The following TENM3 variants were observed in gnomAD, a reference collection of about 807,000 sequenced individuals.
TENM3 encodes teneurin transmembrane protein 3.
TENM3 carries 63 observed loss-of-function variants against 255.1 expected under a neutral mutation model. The ratio of observed to expected loss-of-function variants is 0.25; its 90% CI spans 0.20 to 0.30. The LOEUF is 0.30. TENM3 is among the 10% of genes least tolerant of loss of function. The probability of loss-of-function intolerance (pLI) is 1.00; values close to 1 mark genes in which losing one functional copy is unlikely to be tolerated. For missense variants in TENM3, 2,929 were observed against 3,461.1 expected, an observed-to-expected ratio of 0.85 and a Z score of 3.86; for synonymous variants, 1,306 against 1,322.3, an observed-to-expected ratio of 0.99 and a Z score of 0.27.
the TENM3 span, among the ~76,000 whole-genome samples, chr4:182,037,864 C>T: frequency 3.9e-5 from 6 of 152,016 alleles, no homozygotes; most frequent in Admixed American, 3.9e-4. Flanking sequence ...CAGGGTCCCT[C>T]TTTGTCACCC....
the TENM3 span, among the ~76,000 whole-genome samples, chr4:181,988,888 C>T: frequency 6.6e-6 from 1 of 151,910 alleles, no homozygotes; most frequent in Admixed American, 6.6e-5. Flanking sequence ...CAAAACATAT[C>T]AGTATCCTGG....
At chr4:182,503,501 T>C (rs1040862709) in intron 3 of TENM3, among the ~76,000 whole-genome samples, 18 of 152,294 alleles carry the variant, frequency 1.2e-4, no homozygotes, top group South Asian at 4.1e-4. Flanking sequence ...TATATACTCA[T>C]TTTTTTCTGC....
chr4:182,475,788 C>G (rs1239245077), intron 3 of TENM3, among the ~76,000 whole-genome samples: 1 of 152,110 alleles, frequency 6.6e-6, no homozygotes, highest in Non-Finnish European at 1.5e-5. Context: ...TAATGTCTGT[C>G]TGTATTGAAC....
the TENM3 span, among the ~76,000 whole-genome samples, chr4:181,673,976 A>ATTTGT: frequency 6.6e-6 from 1 of 151,728 alleles, no homozygotes; most frequent in Non-Finnish European, 1.5e-5. Context: ...AGTATGGCGA[A>ATTTGT]TTTCTTTTCT....
chr4:181,512,958 G>GT, the TENM3 span, among the ~76,000 whole-genome samples: 4 of 152,070 alleles, frequency 2.6e-5, no homozygotes, highest in African/African-American at 7.2e-5. Context: ...GACTATAATT[G>GT]TTTTTTTAGA....
At chr4:182,776,210 C>T (rs763146322) in intron 24 of TENM3, among the ~76,000 whole-genome samples, 1 of 152,118 alleles carries the variant, frequency 6.6e-6, no homozygotes, top group Admixed American at 6.5e-5. Context: ...GTCAGGAGTT[C>T]GAGACCAGCC....
chr4:182,669,862 GC>G (rs1397470630), intron 6 of TENM3, among the ~76,000 whole-genome samples: 1 of 152,064 alleles, frequency 6.6e-6, no homozygotes, highest in East Asian at 1.9e-4. Flanking sequence ...ACTTCTCTGA[GC>G]CTTAGTTTCC....
intron 7 of TENM3, among the ~76,000 whole-genome samples, chr4:182,679,345 G>T (rs565460570): frequency 6.6e-6 from 1 of 152,260 alleles, no homozygotes; most frequent in African/African-American, 2.4e-5. Flanking sequence ...AGTTCATGTA[G>T]ATTTTATGTT....
the TENM3 span, among the ~76,000 whole-genome samples, chr4:181,800,406 C>T: frequency 2.0e-5 from 3 of 152,124 alleles, no homozygotes; most frequent in Admixed American, 6.5e-5. Flanking sequence ...CCGAGGCAGG[C>T]GGATCACCTG....
the TENM3 span, among the ~76,000 whole-genome samples, chr4:181,735,734 C>T: frequency 6.6e-6 from 1 of 152,084 alleles, no homozygotes; most frequent in Admixed American, 6.5e-5. Context: ...TTCTAGTAGA[C>T]ACTAGAGCAA....
At chr4:182,160,307 G>A (rs890758589) in intron 1 of TENM3, among the ~76,000 whole-genome samples, 2 of 152,064 alleles carry the variant, frequency 1.3e-5, no homozygotes, top group Non-Finnish European at 2.9e-5. Context: ...CGCCTATTCC[G>A]GTTCTTTTTT....
chr4:182,263,163 G>T (rs1758972693), intron 1 of TENM3, among the ~76,000 whole-genome samples: 1 of 152,080 alleles, frequency 6.6e-6, no homozygotes, highest in South Asian at 2.1e-4. Flanking sequence ...CTGAGCCGCG[G>T]GGTCAGGGGT....
the TENM3 span, among the ~76,000 whole-genome samples, chr4:182,106,988 C>T: frequency 1.3e-5 from 2 of 152,136 alleles, no homozygotes; most frequent in South Asian, 4.1e-4. Context: ...CTCGGATTTC[C>T]CTGCTTACCT....
intron 2 of TENM3, among the ~76,000 whole-genome samples, chr4:182,346,163 A>G (rs529458901): frequency 9.2e-5 from 14 of 152,140 alleles, no homozygotes; most frequent in Non-Finnish European, 1.5e-4. Flanking sequence ...TATAAGAAGA[A>G]TGACCAAGCT....
the TENM3 span, among the ~76,000 whole-genome samples, chr4:181,855,369 G>C: frequency 6.6e-6 from 1 of 152,166 alleles, no homozygotes; most frequent in Non-Finnish European, 1.5e-5. Context: ...AGATTGGCAT[G>C]TACTTCTCTA....
At chr4:182,281,831 G>A (rs1219294427) in intron 1 of TENM3, among the ~76,000 whole-genome samples, 1 of 152,174 alleles carries the variant, frequency 6.6e-6, no homozygotes, top group Non-Finnish European at 1.5e-5. Flanking sequence ...CACCTCCTGG[G>A]TTTGAGCGAT....
chr4:182,035,108 G>A, the TENM3 span, among the ~76,000 whole-genome samples: 5 of 152,050 alleles, frequency 3.3e-5, no homozygotes, highest in African/African-American at 1.2e-4. Flanking sequence ...TTAACATTGT[G>A]AGATATTCTA....
the TENM3 span, among the ~76,000 whole-genome samples, chr4:181,546,761 G>C: frequency 4.6e-5 from 7 of 151,220 alleles, no homozygotes; most frequent in Non-Finnish European, 8.8e-5. Context: ...CCTGAGTCAT[G>C]TGTAGATCTT....
At chr4:182,074,276 C>G in the TENM3 span, among the ~76,000 whole-genome samples, 1 of 152,170 alleles carries the variant, frequency 6.6e-6, no homozygotes, top group Non-Finnish European at 1.5e-5. Flanking sequence ...GTTTATGGAG[C>G]TGTGGGTGCA....
Sources: allele counts gnomAD v4.1 joint callset (sites outside exome capture counted in the v4.1 genomes callset), GRCh38; gene constraint gnomAD v4.1.1; transcripts MANE v1.5; gene names NCBI Gene and HGNC (gene_info 2026-07-23, HGNC 2026-07-21).